The following RBM20 variants were observed in gnomAD, a reference collection of about 807,000 sequenced individuals.
The protein encoded by RBM20 is RNA binding motif protein 20.
A neutral mutation model predicts 110.1 loss-of-function variants in RBM20; 51 were observed. That is an observed-to-expected ratio of 0.46 (90% CI 0.37 to 0.59). The LOEUF (loss-of-function observed/expected upper bound fraction) is 0.59, where lower values mean the gene tolerates loss of function less well. RBM20 is among the 20% of genes least tolerant of loss of function. The pLI is 0.00. For synonymous variants in RBM20, 589 were observed against 618.2 expected (o/e 0.95, Z 0.70); for missense variants, 1,512 against 1,574.9 (o/e 0.96, Z 0.68).
rs1320317819 is a variant in RBM20, at chr10:110,739,568, C to T, written c.192-41233C>T. Among the ~76,000 whole-genome samples the T allele has an allele frequency of 6.6e-6, 1 of 152,134 alleles. No homozygotes were observed. The highest frequency in any genetic ancestry group is 2.4e-5 in the African/African-American group (1 of 41,418). On this transcript the variant is annotated intron_variant, in intron 1 of 13. Coordinates refer to ENST00000369519, the MANE Select transcript of RBM20 (RefSeq NM_001134363.3). The surrounding 1 kb of genome is among the most constrained non-coding windows in gnomAD (Gnocchi z 4.1). ...AAATCTAGGATTGGAAAGTTGGAAA[C>T]CAGTTTTCTACAGCCTTCCAGAAAG... is the stretch of plus-strand genomic sequence containing the variant.
At chr10:110,709,857 T>C (rs1226307133) in intron 1 of RBM20, among the ~76,000 whole-genome samples, 4 of 152,126 alleles carry the variant, frequency 2.6e-5, no homozygotes, top group Non-Finnish European at 5.9e-5. Context: ...GCATGAGCAG[T>C]GGTGCCCAGC....
At chr10:110,688,588 A>G (rs893737986) in intron 1 of RBM20, among the ~76,000 whole-genome samples, 5 of 152,166 alleles carry the variant, frequency 3.3e-5, no homozygotes, top group Non-Finnish European at 5.9e-5. Flanking sequence ...TGCTTGGTGC[A>G]TTATCAAACA....
chr10:110,722,111 T>G (rs1843514781), intron 1 of RBM20, among the ~76,000 whole-genome samples: 1 of 152,224 alleles, frequency 6.6e-6, no homozygotes, highest in African/African-American at 2.4e-5. Flanking sequence ...TTTCTTTTGA[T>G]GCACTGTTTC....
Position 110,823,615 on chromosome 10 carries a change from GT to G in RBM20, c.3451+2del. 6.4e-7 allele frequency: 1 copy of G among 1,551,282 alleles called. No homozygotes were observed. The highest frequency in any genetic ancestry group is 8.7e-7 in the Non-Finnish European group (1 of 1,146,852). On this transcript the variant is annotated splice_donor_variant, in intron 12 of 13. Coordinates refer to ENST00000369519, the MANE Select transcript of RBM20 (RefSeq NM_001134363.3). LOFTEE classifies it high-confidence loss of function. ...TTCAGTGAACTTAGCATTCCTCTAG[GT>G]AAGCAAAACACACAGTCTTTCCTGA...
chr10:110,734,942 C>T (rs1315736313), intron 1 of RBM20, among the ~76,000 whole-genome samples: 6 of 152,160 alleles, frequency 3.9e-5, no homozygotes. Context: ...GATGAAATCT[C>T]CTACTGTCCC....
At chr10:110,698,707 C>A (rs1483075372) in intron 1 of RBM20, among the ~76,000 whole-genome samples, 2 of 152,168 alleles carry the variant, frequency 1.3e-5, no homozygotes, top group Non-Finnish European at 2.9e-5. Context: ...CCTAGGGTAC[C>A]CCTCTCTGTC....
At chr10:110,732,574 T>C (rs780958590) in intron 1 of RBM20, among the ~76,000 whole-genome samples, 2 of 152,222 alleles carry the variant, frequency 1.3e-5, no homozygotes, top group African/African-American at 4.8e-5. Context: ...ATTTCTTTTA[T>C]TTCTCAAACT....
At chr10:110,764,831 G>T (rs188101363) in intron 1 of RBM20, among the ~76,000 whole-genome samples, 3 of 152,208 alleles carry the variant, frequency 2.0e-5, no homozygotes, top group Admixed American at 2.0e-4. Context: ...GAAAGGTAAG[G>T]TTGCATGACA....
Position 110,776,032 on chromosome 10 carries a change from A to G in RBM20, c.192-4769A>G, listed in dbSNP as rs557489001. On this transcript the variant is annotated intron_variant, in intron 1 of 13. Transcript: ENST00000369519. ...ATGGCATGACAGAGAATCATGCCTG[A>G]TAGCTCTAACAAAGTATCCGAGAGT... Among the ~76,000 whole-genome samples, 4 of 152,316 alleles carry G rather than the reference A, an allele frequency of 2.6e-5. No homozygotes were observed. The South Asian group carries it at 6.2e-4, about 24-fold the overall frequency.
intron 1 of RBM20, among the ~76,000 whole-genome samples, chr10:110,773,743 G>A (rs923426389): frequency 1.3e-5 from 2 of 152,152 alleles, no homozygotes; most frequent in Non-Finnish European, 2.9e-5. Context: ...TCTTTGGCAG[G>A]TTTTGAGCCG....
At chr10:110,755,066 G>A (rs1425136455) in intron 1 of RBM20, among the ~76,000 whole-genome samples, 2 of 152,160 alleles carry the variant, frequency 1.3e-5, no homozygotes, top group Non-Finnish European at 2.9e-5. Flanking sequence ...GATGAGGGCA[G>A]GCCTCTGGTC....
intron 1 of RBM20, among the ~76,000 whole-genome samples, chr10:110,723,205 T>A (rs1225356238): frequency 2.6e-5 from 4 of 151,818 alleles, no homozygotes; most frequent in Admixed American, 2.6e-4. Context: ...GTAAGTCACA[T>A]ATCATGAAAT....
intron 1 of RBM20, among the ~76,000 whole-genome samples, chr10:110,665,797 C>T (rs932650441): frequency 6.6e-6 from 1 of 152,076 alleles, no homozygotes; most frequent in Admixed American, 6.6e-5. Flanking sequence ...TTATTTATAG[C>T]TGTGGTAATG....
chr10:110,772,418 T>G (rs1400378009), intron 1 of RBM20, among the ~76,000 whole-genome samples: 2 of 152,208 alleles, frequency 1.3e-5, no homozygotes, highest in African/African-American at 4.8e-5. Context: ...GGTCGCATAA[T>G]GATGTTCTGG....
At chr10:110,700,883 C>T (rs1174303243) in intron 1 of RBM20, among the ~76,000 whole-genome samples, 4 of 152,164 alleles carry the variant, frequency 2.6e-5, no homozygotes, top group Non-Finnish European at 5.9e-5. Context: ...GCCATGATAG[C>T]GGGTGCCTGT....
intron 10 of RBM20, among the ~76,000 whole-genome samples, chr10:110,820,730 G>C (rs1486116108): frequency 1.3e-5 from 2 of 152,254 alleles, no homozygotes; most frequent in Admixed American, 1.3e-4. Context: ...CAGGAGAAAT[G>C]AGTATCGCTG....
intron 1 of RBM20, among the ~76,000 whole-genome samples, chr10:110,759,910 G>A (rs571957292): frequency 1.9e-4 from 29 of 152,316 alleles, no homozygotes; most frequent in Middle Eastern, 3.4e-3. Flanking sequence ...TTAAATTGGA[G>A]GCCACAGAGC....
At chr10:110,797,482 C>T in intron 5 of RBM20, 26 bp from the exon 6 acceptor site, 1 of 1,528,898 alleles carries the variant, frequency 6.5e-7, no homozygotes, top group Non-Finnish European at 8.8e-7. Context: ...CTTCTGAATA[C>T]CACTAATGAT....
intron 8 of RBM20, 129 bp from the exon 9 acceptor site, chr10:110,812,149 A>G: frequency 1.2e-6 from 1 of 829,232 alleles, no homozygotes; most frequent in Non-Finnish European, 1.8e-6. Context: ...GGTTCTGTAG[A>G]GTTGGGAGTT....
Sources: gnomAD v4.1 joint callset for allele counts (sites outside exome capture counted in the v4.1 genomes callset) on GRCh38, gnomAD v4.1.1 for gene constraint, Gnocchi (gnomAD v3.1) non-coding constraint, MANE v1.5 for transcripts, NCBI Gene and HGNC (gene_info 2026-07-23, HGNC 2026-07-21) for gene names.